The following CDH13 variants were observed in gnomAD, a reference collection of about 807,000 sequenced individuals.
CDH13 encodes the protein cadherin 13.
In CDH13, 24 loss-of-function variants were observed where a neutral mutation model predicts 63.8. That is an observed-to-expected ratio of 0.38 (90% CI 0.27 to 0.53). CDH13 has a LOEUF of 0.53. Among genes scored for constraint, CDH13 ranks in the 20% least tolerant of loss-of-function variants. The pLI is 0.85. For missense variants in CDH13, 1,049 were observed against 903.1 expected (o/e 1.16, Z -2.07); for synonymous variants, 503 against 355.3 (o/e 1.42, Z -4.67).
chr16:83,109,063 G>A (rs532863239), intron 3 of CDH13, among the ~76,000 whole-genome samples: 8 of 152,296 alleles, frequency 5.3e-5, no homozygotes, highest in Non-Finnish European at 7.3e-5. Context: ...TGCTCCTGGG[G>A]AGCACAGACT....
At chr16:82,871,624 G>T (rs1165536630) in intron 2 of CDH13, among the ~76,000 whole-genome samples, 1 of 151,666 alleles carries the variant, frequency 6.6e-6, no homozygotes, top group East Asian at 1.9e-4. Context: ...GAGCTTGTGA[G>T]TTGGGCTGTT....
intron 5 of CDH13, among the ~76,000 whole-genome samples, chr16:83,276,075 C>A (rs570376911): frequency 3.9e-5 from 6 of 152,272 alleles, no homozygotes; most frequent in African/African-American, 1.4e-4. Flanking sequence ...TTTACAGGAT[C>A]ATAGCACATC....
chr16:83,209,325 C>A (rs1567508233), intron 4 of CDH13, among the ~76,000 whole-genome samples: 1 of 152,188 alleles, frequency 6.6e-6, no homozygotes, highest in Non-Finnish European at 1.5e-5. Context: ...TCCTCATAGA[C>A]AAGGAAGGAG....
At chr16:83,293,069 T>G (rs1262199791) in intron 5 of CDH13, among the ~76,000 whole-genome samples, 2 of 152,196 alleles carry the variant, frequency 1.3e-5, no homozygotes, top group African/African-American at 4.8e-5. Context: ...ACATTAGATT[T>G]TATCACAACA....
At chr16:83,018,089 C>T (rs942295385) in intron 2 of CDH13, among the ~76,000 whole-genome samples, 1 of 152,154 alleles carries the variant, frequency 6.6e-6, no homozygotes, top group Non-Finnish European at 1.5e-5. Flanking sequence ...AAAAGCCTGG[C>T]CTTTGGAGTG....
rs114764220 is a variant in CDH13, at chr16:83,088,318, A to G, written c.367-37067A>G. On this transcript the variant is annotated intron_variant, in intron 3 of 13. Coordinates refer to ENST00000567109, the MANE Select transcript of CDH13 (RefSeq NM_001257.5). ...TATTAGGCTTATAACTCACAGAGCT[A>G]TGAGTTTAAATGTCAGGGTTGTCAC... is the stretch of plus-strand genomic sequence containing the variant. Among the ~76,000 whole-genome samples, 647 of 152,284 alleles carry G rather than the reference A, an allele frequency of 4.2e-3. 2 individuals are homozygous for G. Among genetic ancestry groups the G allele is most frequent in the African/African-American group, 0.015 (622 of 41,558 alleles).
At chr16:83,589,443 C>T (rs915058333) in intron 7 of CDH13, among the ~76,000 whole-genome samples, 5 of 151,506 alleles carry the variant, frequency 3.3e-5, no homozygotes, top group African/African-American at 4.9e-5. Flanking sequence ...CTGCCTCCCT[C>T]TCATGAGGAC....
At position 83,378,029 on chromosome 16, in the gene CDH13, A is replaced by G. The variant is rs116699196; in HGVS notation, c.781+33023A>G. On this transcript the variant is annotated intron_variant, in intron 6 of 13. Coordinates refer to ENST00000567109, the MANE Select transcript of CDH13 (RefSeq NM_001257.5). The stretch of plus-strand genomic sequence containing the variant: ...CCAGAGAGCTGAGCAAGAGGAGGGC[A>G]GGCTGCTCTCAGTACCCTTTGGACC... 3.8e-3 allele frequency among the ~76,000 whole-genome samples: 584 copies of G among 152,258 alleles called. 3 individuals carry two copies. Among genetic ancestry groups the G allele is most frequent in the African/African-American group, 0.013 (546 of 41,552 alleles).
chr16:82,947,472 C>T (rs372691659), intron 2 of CDH13, among the ~76,000 whole-genome samples: 2 of 152,060 alleles, frequency 1.3e-5, no homozygotes, highest in African/African-American at 2.4e-5. Flanking sequence ...GTGTTAACTA[C>T]GATAATTATC....
At chr16:82,884,315 G>A in intron 2 of CDH13, 1 of 423,074 alleles carries the variant, frequency 2.4e-6, no homozygotes, top group South Asian at 1.7e-5. Context: ...AGAAAAGGAG[G>A]CAACCTGGGG....
chr16:83,674,265 C>A (rs1000858682), intron 9 of CDH13, among the ~76,000 whole-genome samples: 4 of 152,204 alleles, frequency 2.6e-5, no homozygotes, highest in African/African-American at 9.6e-5. Context: ...TGGCAGAGAG[C>A]CAGCAGTGGG....
intron 1 of CDH13, among the ~76,000 whole-genome samples, chr16:82,842,071 T>A: frequency 7.1e-6 from 1 of 140,620 alleles, no homozygotes; most frequent in African/African-American, 2.7e-5. Context: ...CCTTGAAATC[T>A]GAGCCAGTCT....
intron 5 of CDH13, among the ~76,000 whole-genome samples, chr16:83,233,759 A>G (rs1244878158): frequency 2.0e-5 from 3 of 151,980 alleles, no homozygotes; most frequent in Non-Finnish European, 4.4e-5. Flanking sequence ...ATAATCCAGG[A>G]TCCTTTCTTT....
intron 6 of CDH13, among the ~76,000 whole-genome samples, chr16:83,357,739 C>T (rs1215817294): frequency 1.3e-5 from 2 of 152,168 alleles, no homozygotes; most frequent in Non-Finnish European, 2.9e-5. Context: ...CAATGTTTCT[C>T]CCTAAATGGA....
chr16:82,990,359 G>A (rs1240352338), intron 2 of CDH13: 2 of 152,098 alleles, frequency 1.3e-5, no homozygotes, highest in African/African-American at 4.8e-5. Flanking sequence ...ACATTACTGT[G>A]GTTCCCACTC....
chr16:83,407,244 A>C (rs1366280847), intron 6 of CDH13, among the ~76,000 whole-genome samples: 2 of 152,258 alleles, frequency 1.3e-5, no homozygotes, highest in Non-Finnish European at 2.9e-5. Context: ...AGGCAAAGAA[A>C]ACACAGTTTT....
At chr16:82,775,206 ATGT>A (rs1821097706) in intron 1 of CDH13, among the ~76,000 whole-genome samples, 1 of 152,226 alleles carries the variant, frequency 6.6e-6, no homozygotes. Flanking sequence ...AGATAAATGC[ATGT>A]AAAGCTCTTA....
chr16:83,533,278 C>T (rs948056265), intron 7 of CDH13, among the ~76,000 whole-genome samples: 3 of 152,124 alleles, frequency 2.0e-5, no homozygotes, highest in Non-Finnish European at 2.9e-5. Context: ...TAAATGTGCT[C>T]GGAAAATCTC....
At position 83,682,156 on chromosome 16, in the gene CDH13, C is replaced by T. The variant is rs886427034; in HGVS notation, c.1538+3695C>T. Among the ~76,000 whole-genome samples, 10 of 152,268 alleles carry T rather than the reference C, an allele frequency of 6.6e-5. 1 individual carries two copies. The Middle Eastern group carries it at 0.014, about 207-fold the overall frequency. ...TGCAGCATAGAGTAATCTACTGCAA[C>T]AGAAAAAGAATATGTTGAAAGTTAG... is the stretch of plus-strand genomic sequence containing the variant. On this transcript the variant is annotated intron_variant, in intron 10 of 13. Transcript: ENST00000567109.
Sources: gnomAD v4.1 joint callset for allele counts (sites outside exome capture counted in the v4.1 genomes callset) on GRCh38, gnomAD v4.1.1 for gene constraint, MANE v1.5 for transcripts, NCBI Gene and HGNC (gene_info 2026-07-23, HGNC 2026-07-21) for gene names.